The following YAE1 variants were observed in gnomAD, a reference collection of about 807,000 sequenced individuals.
YAE1 encodes YAE1 maturation factor of ABCE1, also known as protein YAE1 homolog.
Under a neutral mutation model 23.0 loss-of-function variants are expected in YAE1, and 22 were observed. The ratio of observed to expected loss-of-function variants is 0.96; its 90% CI spans 0.68 to 1.37. The LOEUF (loss-of-function observed/expected upper bound fraction) is 1.37. Among genes scored for constraint, YAE1 ranks in the 40% most tolerant of loss-of-function variants. The pLI is 0.00. For missense variants in YAE1, 260 were observed against 262.1 expected, an observed-to-expected ratio of 0.99 and a Z score of 0.06; for synonymous variants, 101 against 97.0, an observed-to-expected ratio of 1.04 and a Z score of -0.24.
At chr7:39,578,679 C>G (rs1214674505) in intron 2 of YAE1, among the ~76,000 whole-genome samples, 1 of 152,150 alleles carries the variant, frequency 6.6e-6, no homozygotes, top group Non-Finnish European at 1.5e-5. Flanking sequence ...AAGAAAGAAA[C>G]TCCGAACACG....
chr7:39,572,338 A>ATGTTT lies in YAE1; in HGVS notation c.313_314insTGTTT (p.Asn105MetfsTer19), dbSNP rs1396947518. Reference sequence around the variant, plus strand: ...TTCAACTTTGATCAATAAAATAAACAATCTTCTGGATGCAGTTGGCCAGTG... The same window carrying ATGTTT: ...TTCAACTTTGATCAATAAAATAAACATGTTTATCTTCTGGATGCAGTTGGCCAGTG... On this transcript the variant is annotated frameshift_variant, in exon 3 of 3. Transcript: ENST00000223273. LOFTEE classifies it high-confidence loss of function. 5 of 1,613,904 alleles carry ATGTTT rather than the reference A, an allele frequency of 3.1e-6. No individual in the cohort carries two copies. Among genetic ancestry groups the ATGTTT allele is most frequent in the Admixed American group, 1.7e-5 (1 of 59,998 alleles).
chr7:39,566,493 C>T lies in YAE1; in HGVS notation c.75C>T (p.Asp25=). The T allele has an allele frequency of 1.9e-6, 3 of 1,614,182 alleles. No homozygotes were observed. The highest frequency in any genetic ancestry group is 2.5e-6 in the Non-Finnish European group (3 of 1,180,026). ...GGGACGTGTTTGACGAAGAAGCAGA[C>T]GAGTCGCTCCTGGCGCAGCGGGAAT... ...DKGDVFDEEA[D]ESLLAQREWQ... The change falls in exon 1 of 3, where the codon GAC becomes GAT. Residue 25 remains aspartate (D), a synonymous_variant. Coordinates refer to ENST00000223273, the MANE Select transcript of YAE1 (RefSeq NM_020192.5).
At chr7:39,574,253 GT>G (rs1790620000), downstream of YAE1, among the ~76,000 whole-genome samples, 1 of 152,216 alleles carries the variant, frequency 6.6e-6, no homozygotes, top group Admixed American at 6.5e-5. Context: ...GAATTAGCTA[GT>G]TGAGACTATT....
At chr7:39,570,798 C>A in intron 2 of YAE1, 171 bp downstream of exon 2, 1 of 753,468 alleles carries the variant, frequency 1.3e-6, no homozygotes, top group Non-Finnish European at 2.0e-6. Flanking sequence ...TCTTTATCAG[C>A]TCATCTACTT....
chr7:39,572,942 A>T, downstream of YAE1: 1 of 1,056,638 alleles, frequency 9.5e-7, no homozygotes, highest in Non-Finnish European at 1.2e-6. Flanking sequence ...TTCTACTGTC[A>T]TTGACATTTC....
intron 2 of YAE1, among the ~76,000 whole-genome samples, chr7:39,584,924 T>C (rs941690635): frequency 6.6e-6 from 1 of 152,166 alleles, no homozygotes; most frequent in Non-Finnish European, 1.5e-5. Flanking sequence ...TAACCTCCAC[T>C]TAGCAGCCTC....
chr7:39,575,670 G>A (rs145418508), downstream of YAE1, among the ~76,000 whole-genome samples: 95 of 152,056 alleles, frequency 6.2e-4, no homozygotes, highest in South Asian at 2.9e-3. Flanking sequence ...ATACTTTACC[G>A]CAACAGTTGC....
intron 2 of YAE1, among the ~76,000 whole-genome samples, chr7:39,608,390 G>T (rs546740603): frequency 6.6e-6 from 1 of 152,292 alleles, no homozygotes; most frequent in African/African-American, 2.4e-5. Flanking sequence ...AAGAGAAGAC[G>T]TAGGGATTGA....
intron 2 of YAE1, among the ~76,000 whole-genome samples, chr7:39,587,301 C>T (rs1230474997): frequency 6.6e-6 from 1 of 151,946 alleles, no homozygotes; most frequent in African/African-American, 2.4e-5. Flanking sequence ...AAGTGATCCA[C>T]CCCTCTCAGC....
In YAE1 at chr7:39,572,806, G is replaced by A; in HGVS notation, c.*100G>A. The A allele has an allele frequency of 6.9e-7, 1 of 1,449,108 alleles. No homozygotes were observed. The allele number at this position is 1,449,108 out of a possible 1,614,324, so 89.8% of individuals were successfully genotyped here. ...TCTGCATCAAACACCTCAACTGTAG[G>A]GTTACCCTTTATGGAAGTTTGAAAT... is the stretch of plus-strand genomic sequence containing the variant. On this transcript the variant is annotated 3_prime_UTR_variant, in exon 3 of 3. Transcript: ENST00000223273.
chr7:39,584,960 A>G (rs1790794880), intron 2 of YAE1, among the ~76,000 whole-genome samples: 1 of 152,196 alleles, frequency 6.6e-6, no homozygotes, highest in South Asian at 2.1e-4. Context: ...CATTTAACCC[A>G]AAACAAAGTG....
chr7:39,610,183 A>G (rs1374066144), exon 3 of YAE1: 5 of 663,664 alleles, frequency 7.5e-6, no homozygotes, highest in African/African-American at 7.3e-5. Flanking sequence ...AAAATCCTCA[A>G]TACCAAACTA....
At chr7:39,583,783 T>C (rs1230822013) in intron 2 of YAE1, among the ~76,000 whole-genome samples, 1 of 152,220 alleles carries the variant, frequency 6.6e-6, no homozygotes, top group African/African-American at 2.4e-5. Context: ...AGCCCTTGTT[T>C]GGTGATTGCT....
At position 39,603,299 on chromosome 7, in the gene YAE1, G is replaced by A. The variant is rs183595695; in HGVS notation, c.252-6318G>A. Among the ~76,000 whole-genome samples, 974 of 152,078 alleles carry A rather than the reference G, an allele frequency of 6.4e-3. 13 individuals are homozygous for A. Among genetic ancestry groups the A allele is most frequent in the African/African-American group, 0.022 (926 of 41,490 alleles). On this transcript the variant is annotated intron_variant, in intron 2 of 2. Coordinates refer to the YAE1 transcript ENST00000432096. ...GACTACAGGCGCCCACCACCACGCC[G>A]GGCTAATTTTTTGAATTTTTTAGTA... is the stretch of plus-strand genomic sequence containing the variant.
chr7:39,581,748 A>G (rs555088021), intron 2 of YAE1, among the ~76,000 whole-genome samples: 11 of 151,760 alleles, frequency 7.2e-5, no homozygotes, highest in Non-Finnish European at 1.2e-4. Context: ...GTGCACACCT[A>G]TGGTCCCAAC....
In YAE1 at chr7:39,589,409, A is replaced by G. The variant is rs190324512; in HGVS notation, c.251+18782A>G. 9.0e-4 allele frequency among the ~76,000 whole-genome samples: 137 copies of G among 152,230 alleles called. 1 individual carries two copies. Among genetic ancestry groups the G allele is most frequent in the African/African-American group, 3.2e-3 (135 of 41,542 alleles). On this transcript the variant is annotated intron_variant, in intron 2 of 2. Transcript: ENST00000432096. Reference sequence around the variant, plus strand: ...CAGCCTCCCAAGTAGCTGGGACTACAGGCATGCACCACCACGCCTGGCTAA... The same window carrying G: ...CAGCCTCCCAAGTAGCTGGGACTACGGGCATGCACCACCACGCCTGGCTAA...
chr7:39,566,489 C>G lies in YAE1; in HGVS notation c.71C>G (p.Ala24Gly). The part of the protein sequence containing the change: ...GDKGDVFDEE[A>G]DESLLAQREW... ...AAAGGGGACGTGTTTGACGAAGAAG[C>G]AGACGAGTCGCTCCTGGCGCAGCGG... The change falls in exon 1 of 3, where the codon GCA becomes GGA. Residue 24 changes from alanine (A) to glycine (G), a missense_variant. Coordinates refer to ENST00000223273, the MANE Select transcript of YAE1 (RefSeq NM_020192.5). 6.2e-7 allele frequency: 1 copy of G among 1,614,192 alleles called. No homozygotes were observed. Among genetic ancestry groups the G allele is most frequent in the Non-Finnish European group, 8.5e-7 (1 of 1,180,030 alleles).
chr7:39,583,753 A>G (rs901666306), intron 2 of YAE1, among the ~76,000 whole-genome samples: 4 of 152,206 alleles, frequency 2.6e-5, no homozygotes, highest in Non-Finnish European at 4.4e-5. Flanking sequence ...TGTGGGGATT[A>G]CGTGCAATTA....
intron 1 of YAE1, chr7:39,566,856 T>C: frequency 3.6e-6 from 1 of 275,178 alleles, no homozygotes. Context: ...GAGAGAAACA[T>C]ACACTATACT....
Sources: gnomAD v4.1 joint callset for allele counts (sites outside exome capture counted in the v4.1 genomes callset) on GRCh38, gnomAD v4.1.1 for gene constraint, MANE v1.5 for transcripts, NCBI Gene and HGNC (gene_info 2026-07-23, HGNC 2026-07-21) for gene names.